The following DNAH11 variants were observed in gnomAD, a reference collection of about 807,000 sequenced individuals.
DNAH11 encodes the protein axonemal beta dynein heavy chain 11.
DNAH11 carries 442 observed loss-of-function variants against 526.0 expected under a neutral mutation model. The ratio of observed to expected loss-of-function variants is 0.84; its 90% confidence interval spans 0.78 to 0.91. DNAH11 has a LOEUF of 0.91. Ranked by LOEUF, DNAH11 falls within the 40% of genes least tolerant of loss-of-function variation. The pLI is 0.00. For missense variants in DNAH11, 6,989 were observed against 5,448.7 expected (o/e 1.28, Z -8.90); for synonymous variants, 2,461 against 1,935.9 (o/e 1.27, Z -7.12).
chr7:21,901,543 T>A lies in DNAH11; in HGVS notation c.*289T>A. ...GAGGTTGCACCACTGCACTCCCTCC[T>A]GGGCAACAGAACAAGACTCCATCTC... On this transcript the variant is annotated 3_prime_UTR_variant, in exon 82 of 82. Coordinates refer to ENST00000409508, the MANE Select transcript of DNAH11 (RefSeq NM_001277115.2). 1 of 244,534 alleles carries A rather than the reference T, an allele frequency of 4.1e-6. No homozygotes were observed. Among genetic ancestry groups the A allele is most frequent in the Non-Finnish European group, 7.7e-6 (1 of 129,532 alleles). The allele number at this position is 244,534 out of a possible 1,614,324, so 15.1% of individuals were successfully genotyped here.
At chr7:21,622,055 T>C (rs1434155295) in intron 25 of DNAH11, among the ~76,000 whole-genome samples, 1 of 152,108 alleles carries the variant, frequency 6.6e-6, no homozygotes, top group East Asian at 1.9e-4. Flanking sequence ...GACATGATTG[T>C]ATATCTAGAA....
chr7:21,884,160 G>A, intron 75 of DNAH11, 131 bp from the exon 76 acceptor site: 1 of 690,838 alleles, frequency 1.4e-6, no homozygotes, highest in Non-Finnish European at 2.1e-6. Flanking sequence ...GACAATTTCT[G>A]AAGCACCTTT....
intron 20 of DNAH11, among the ~76,000 whole-genome samples, chr7:21,612,437 C>A (rs1352747471): frequency 6.6e-6 from 1 of 151,750 alleles, no homozygotes; most frequent in Non-Finnish European, 1.5e-5. Flanking sequence ...CGCCAGTAGT[C>A]CCAGCTACTC....
intron 56 of DNAH11, among the ~76,000 whole-genome samples, chr7:21,777,791 T>G (rs964302846): frequency 6.6e-6 from 1 of 152,186 alleles, no homozygotes; most frequent in Non-Finnish European, 1.5e-5. Flanking sequence ...TAATCTATAA[T>G]AGTACAAGTA....
chr7:21,666,023 G>C (rs1022195805), intron 30 of DNAH11, among the ~76,000 whole-genome samples: 1 of 152,042 alleles, frequency 6.6e-6, no homozygotes, highest in African/African-American at 2.4e-5. Flanking sequence ...TTTTAAATGA[G>C]CTTTAGTCAT....
intron 9 of DNAH11, among the ~76,000 whole-genome samples, chr7:21,586,181 G>C (rs1327018373): frequency 6.6e-6 from 1 of 152,154 alleles, no homozygotes; most frequent in Non-Finnish European, 1.5e-5. Flanking sequence ...CGCTAAGCTG[G>C]TGGGCAAGAT....
At chr7:21,783,615 C>G (rs974551837) in intron 57 of DNAH11, among the ~76,000 whole-genome samples, 30 of 152,128 alleles carry the variant, frequency 2.0e-4, no homozygotes, top group African/African-American at 7.0e-4. Context: ...CTATAGGTAT[C>G]TTAAGGAGAG....
In DNAH11 at chr7:21,705,554, A is replaced by G; in HGVS notation, c.6546+17A>G. On this transcript the variant is annotated intron_variant, in intron 39 of 81. Coordinates refer to ENST00000409508, the MANE Select transcript of DNAH11 (RefSeq NM_001277115.2). ...AAGAGTAAGGTATAGTAAATTGCCT[A>G]ATAGCTTACAGCTATGGAAAGAACA... The G allele has an allele frequency of 6.2e-7, 1 of 1,609,696 alleles. No individual in the cohort carries two copies. The highest frequency in any genetic ancestry group is 8.5e-7 in the Non-Finnish European group (1 of 1,176,308).
rs140792532 is a variant in DNAH11, at chr7:21,770,681, T to A, written c.9103-3085T>A. On this transcript the variant is annotated intron_variant, in intron 55 of 81. Transcript: ENST00000409508. ...CTTCTTTTGACTATTGCATGAATGTTTGACTATTGGGAAAGCAGTAAAAGA... is the reference window on the plus strand; with the variant it reads ...CTTCTTTTGACTATTGCATGAATGTATGACTATTGGGAAAGCAGTAAAAGA... 2.3e-3 allele frequency among the ~76,000 whole-genome samples: 346 copies of A among 152,308 alleles called. 3 individuals carry two copies. Among genetic ancestry groups the A allele is most frequent in the Non-Finnish European group, 2.2e-3 (152 of 68,020 alleles).
intron 16 of DNAH11, 26 bp downstream of exon 16, chr7:21,600,956 G>A: frequency 1.2e-6 from 2 of 1,611,910 alleles, no homozygotes; most frequent in Non-Finnish European, 1.7e-6. Flanking sequence ...AGCATTTAAT[G>A]TAGTGAAATG....
intron 28 of DNAH11, among the ~76,000 whole-genome samples, chr7:21,640,223 C>T (rs1236526008): frequency 2.0e-5 from 3 of 152,200 alleles, no homozygotes; most frequent in Middle Eastern, 6.8e-3. Context: ...CTACTATATC[C>T]GTCTTTTACA....
intron 14 of DNAH11, among the ~76,000 whole-genome samples, chr7:21,598,531 C>G (rs1562689789): frequency 6.6e-6 from 1 of 152,024 alleles, no homozygotes; most frequent in Non-Finnish European, 1.5e-5. Flanking sequence ...TTCCCTAGTC[C>G]AGTGTTTTCT....
chr7:21,720,823 C>T lies in DNAH11; in HGVS notation c.7233C>T (p.Ile2411=). Residue 2411 remains isoleucine (I), a synonymous_variant, in exon 44 of 82, where the codon ATC becomes ATT. Transcript: ENST00000409508. ...AAGTCTATTTTGTATTTGCTTGTATCTGGGCTTTTGGAGGCACCCTGCTAC... is the reference window on the plus strand; with the variant it reads ...AAGTCTATTTTGTATTTGCTTGTATTTGGGCTTTTGGAGGCACCCTGCTAC... The part of the protein sequence containing the change: ...VYEVYFVFAC[I]WAFGGTLLQD... 1.2e-6 allele frequency: 2 copies of T among 1,613,038 alleles called. No individual in the cohort carries two copies. Among genetic ancestry groups the T allele is most frequent in the Non-Finnish European group, 1.7e-6 (2 of 1,179,498 alleles).
intron 54 of DNAH11, among the ~76,000 whole-genome samples, chr7:21,761,433 T>G (rs1786902129): frequency 6.6e-6 from 1 of 152,260 alleles, no homozygotes. Context: ...TTACTCTGTG[T>G]GTAGAGACCT....
intron 46 of DNAH11, among the ~76,000 whole-genome samples, chr7:21,737,640 TATG>T (rs1163072283): frequency 6.6e-6 from 1 of 152,112 alleles, no homozygotes; most frequent in Non-Finnish European, 1.5e-5. Flanking sequence ...GTTGGGAACA[TATG>T]GAAATGACAT....
intron 2 of DNAH11, among the ~76,000 whole-genome samples, chr7:21,552,241 C>T (rs1443820733): frequency 6.6e-6 from 1 of 152,178 alleles, no homozygotes; most frequent in Non-Finnish European, 1.5e-5. Context: ...GTTTTACTGC[C>T]TGAATTTCCT....
Position 21,816,631 on chromosome 7 carries a change from G to A in DNAH11, c.10497G>A (p.Gln3499=), listed in dbSNP as rs745461419. Residue 3499 remains glutamine, a synonymous_variant, in exon 64 of 82, where the codon CAG becomes CAA. Coordinates refer to ENST00000409508, the MANE Select transcript of DNAH11 (RefSeq NM_001277115.2). ...CERWPLVIDP[Q]QQGIKWIKNK... ...GCTGGCCTCTGGTGATAGATCCCCA[G>A]CAACAGGGAATTAAGTGGATCAAGA... is the stretch of plus-strand genomic sequence containing the variant. 9 of 1,613,612 alleles carry A rather than the reference G, an allele frequency of 5.6e-6. No homozygotes were observed. The highest frequency in any genetic ancestry group is 1.1e-5 in the South Asian group (1 of 91,042).
chr7:21,707,971 A>G (rs561733926), intron 40 of DNAH11, 136 bp downstream of exon 40: 2 of 852,558 alleles, frequency 2.3e-6, no homozygotes, highest in Admixed American at 3.4e-5. Flanking sequence ...GCAGATCACA[A>G]CAGCATTTAT....
At position 21,600,700 on chromosome 7, in the gene DNAH11, C is replaced by G. The variant is rs542059067; in HGVS notation, c.3025C>G (p.Leu1009Val). Residue 1009 changes from leucine to valine, a missense_variant, in exon 16 of 82, where the codon CTG (leucine) becomes GTG (valine). Coordinates refer to ENST00000409508, the MANE Select transcript of DNAH11 (RefSeq NM_001277115.2). ...GAATGATATGGATAACATGTTAGGC[C>G]TGGCAGAGGTCAGGCAGGAGATCAT... ...YQNDMDNMLG[L>V]AEVRQEIMNR... The G allele has an allele frequency of 2.3e-5, 37 of 1,612,592 alleles. No homozygotes were observed. The East Asian group carries it at 3.3e-4, about 15-fold the overall frequency.
Sources: allele counts gnomAD v4.1 joint callset (sites outside exome capture counted in the v4.1 genomes callset), GRCh38; gene constraint gnomAD v4.1.1; transcripts MANE v1.5; gene names NCBI Gene and HGNC (gene_info 2026-07-23, HGNC 2026-07-21).